The following TBC1D23 variants were observed in gnomAD, a reference collection of about 807,000 sequenced individuals.
The protein encoded by TBC1D23 is TBC1 domain family member 23.
In TBC1D23, 55 loss-of-function variants were observed where a neutral mutation model predicts 91.4. The ratio of observed to expected loss-of-function variants is 0.60; its 90% CI spans 0.48 to 0.75. TBC1D23 has a LOEUF of 0.75. Ranked by LOEUF, TBC1D23 falls within the 30% of genes least tolerant of loss-of-function variation. TBC1D23 has a pLI of 0.00. For synonymous variants in TBC1D23, 289 were observed against 281.0 expected (o/e 1.03, Z -0.28); for missense variants, 725 against 836.1 (o/e 0.87, Z 1.64).
chr3:100,314,091 A>ATTTTTTT (rs71299383), intron 15 of TBC1D23, among the ~76,000 whole-genome samples: 64 of 94,588 alleles, frequency 6.8e-4, no homozygotes, highest in Admixed American at 1.3e-3. Flanking sequence ...AGGCTACAAA[A>ATTTTTTT]TTTTTTTTTT....
rs955882115 is a variant in TBC1D23, at chr3:100,301,057, T to C, written c.1093-1010T>C. Among the ~76,000 whole-genome samples the C allele has an allele frequency of 3.9e-5, 6 of 152,198 alleles. No homozygotes were observed. In the South Asian group the frequency reaches 8.3e-4, roughly 21 times the overall value. On this transcript the variant is annotated intron_variant, in intron 10 of 18. Coordinates refer to ENST00000394144, the MANE Select transcript of TBC1D23 (RefSeq NM_001199198.3). Reference sequence around the variant, plus strand: ...GTAATAATGCTGCATTTGACATCTTTTTATACATTTTGTGAACTTATGCAA... The same window carrying C: ...GTAATAATGCTGCATTTGACATCTTCTTATACATTTTGTGAACTTATGCAA...
Position 100,261,076 on chromosome 3 carries a change from G to A in TBC1D23, c.53+5G>A. 1 of 1,613,074 alleles carries A rather than the reference G, an allele frequency of 6.2e-7. No individual in the cohort carries two copies. The highest frequency in any genetic ancestry group is 8.5e-7 in the Non-Finnish European group (1 of 1,179,070). On this transcript the variant is annotated splice_donor_5th_base_variant and intron_variant, in intron 1 of 18. Transcript: ENST00000394144. ...AACGTCGAGCGGCGACGGCTGGTGAGTGAAAGCCGGGGCTAATTTCCAATG... is the reference window on the plus strand; with the variant it reads ...AACGTCGAGCGGCGACGGCTGGTGAATGAAAGCCGGGGCTAATTTCCAATG...
chr3:100,316,814 C>T (rs762358003), intron 16 of TBC1D23, among the ~76,000 whole-genome samples: 75 of 151,982 alleles, frequency 4.9e-4, no homozygotes, highest in Non-Finnish European at 7.5e-4. Context: ...TAATTTAGGC[C>T]GGGCGCGGTG....
At chr3:100,299,401 G>A in intron 10 of TBC1D23, 70 bp downstream of exon 10, 1 of 896,676 alleles carries the variant, frequency 1.1e-6, no homozygotes, top group South Asian at 1.7e-5. Flanking sequence ...TAAATATATA[G>A]GTCCCAGATT....
intron 15 of TBC1D23, among the ~76,000 whole-genome samples, chr3:100,312,900 T>C (rs1705652401): frequency 6.6e-6 from 1 of 151,998 alleles, no homozygotes; most frequent in Non-Finnish European, 1.5e-5. Context: ...ACACCTGTAA[T>C]CCCAGCACTT....
chr3:100,263,978 A>G (rs910527476), intron 1 of TBC1D23, among the ~76,000 whole-genome samples: 8 of 152,274 alleles, frequency 5.3e-5, no homozygotes, highest in Admixed American at 2.6e-4. Context: ...GAACCCTAAC[A>G]TGGTCGGTGA....
intron 13 of TBC1D23, among the ~76,000 whole-genome samples, chr3:100,307,191 CT>C (rs1318490467): frequency 6.6e-6 from 1 of 152,200 alleles, no homozygotes; most frequent in Non-Finnish European, 1.5e-5. Context: ...GTCTTTTGTG[CT>C]TTTCCAGTAC....
chr3:100,271,654 A>C (rs1173499228), intron 1 of TBC1D23, among the ~76,000 whole-genome samples: 2 of 152,208 alleles, frequency 1.3e-5, no homozygotes, highest in African/African-American at 4.8e-5. Flanking sequence ...CTGCTGGCCT[A>C]TATATTCTCT....
chr3:100,318,846 TTTCACCATGTTG>T lies in TBC1D23; in HGVS notation c.1688-222_1688-211del, dbSNP rs1347928783. ...TTTGTATTTTTTAGTAGAGATGGGGTTTCACCATGTTGCCCAGGCTGGTCTCCAACTCCTGCC... is the reference window on the plus strand; with the variant it reads ...TTTGTATTTTTTAGTAGAGATGGGGTCCCAGGCTGGTCTCCAACTCCTGCC... On this transcript the variant is annotated intron_variant, in intron 16 of 18. Coordinates refer to ENST00000394144, the MANE Select transcript of TBC1D23 (RefSeq NM_001199198.3). Among the ~76,000 whole-genome samples the T allele has an allele frequency of 3.3e-5, 5 of 151,842 alleles. No homozygotes were observed. In the East Asian group the frequency reaches 9.6e-4, roughly 29 times the overall value.
intron 1 of TBC1D23, among the ~76,000 whole-genome samples, chr3:100,265,703 A>C (rs2067552115): frequency 6.6e-6 from 1 of 152,196 alleles, no homozygotes; most frequent in Non-Finnish European, 1.5e-5. Flanking sequence ...GAGTTTGTTT[A>C]ATTAAAAAAT....
At chr3:100,310,574 G>A (rs1242342227) in intron 14 of TBC1D23, 32 bp downstream of exon 14, 1 of 1,544,544 alleles carries the variant, frequency 6.5e-7, no homozygotes, top group Admixed American at 2.0e-5. Context: ...AGTTTATGAT[G>A]AGTAATTAAA....
At chr3:100,275,106 C>T (rs1432630400) in intron 1 of TBC1D23, among the ~76,000 whole-genome samples, 2 of 152,176 alleles carry the variant, frequency 1.3e-5, no homozygotes, top group African/African-American at 2.4e-5. Flanking sequence ...ACTGTCATAC[C>T]GTTTTCCATA....
At chr3:100,303,996 A>G (rs937873741) in intron 11 of TBC1D23, among the ~76,000 whole-genome samples, 6 of 152,180 alleles carry the variant, frequency 3.9e-5, no homozygotes, top group African/African-American at 1.4e-4. Context: ...TAACCACATC[A>G]TTATCATACT....
chr3:100,302,507 C>G (rs1039921716), intron 11 of TBC1D23, among the ~76,000 whole-genome samples: 1 of 152,110 alleles, frequency 6.6e-6, no homozygotes, highest in African/African-American at 2.4e-5. Context: ...GAAATACCAC[C>G]TTATTAATAT....
chr3:100,313,050 C>T (rs1250243965), intron 15 of TBC1D23, among the ~76,000 whole-genome samples: 1 of 151,416 alleles, frequency 6.6e-6, no homozygotes, highest in Non-Finnish European at 1.5e-5. Flanking sequence ...AATAGTTCAC[C>T]CTCTAATAAC....
chr3:100,304,012 A>T (rs1318044878), intron 11 of TBC1D23, among the ~76,000 whole-genome samples: 18 of 152,062 alleles, frequency 1.2e-4, no homozygotes, highest in African/African-American at 4.3e-4. Flanking sequence ...ATACTTTATT[A>T]AAAAAAATTT....
Position 100,296,161 on chromosome 3 carries a change from T to TA in TBC1D23, c.773-9dup. The TA allele has an allele frequency of 6.9e-7, 1 of 1,451,266 alleles. No homozygotes were observed. The highest frequency in any genetic ancestry group is 9.5e-7 in the Non-Finnish European group (1 of 1,055,584). 89.9% of individuals were successfully genotyped at this position (1,451,266 alleles called of 1,614,324 possible). A position where few individuals can be genotyped will look rare whatever the true frequency, so the allele number is the denominator to read the frequency against. ...CACAAACTACTAAATATTATGTCTA[T>TA]AATATTTCAGAGTTCTTGGAAAATA... On this transcript the variant is annotated splice_polypyrimidine_tract_variant and intron_variant, in intron 7 of 18. Transcript: ENST00000394144.
chr3:100,279,632 T>C lies in TBC1D23; in HGVS notation c.54-17T>C. On this transcript the variant is annotated splice_polypyrimidine_tract_variant and intron_variant, in intron 1 of 18. Transcript: ENST00000394144. ...ATGAGATAAAGTTCATTTTAATAAA[T>C]AGGACTTATTTTTTAGGGAAAAAGA... is the stretch of plus-strand genomic sequence containing the variant. 1 of 1,477,888 alleles carries C rather than the reference T, an allele frequency of 6.8e-7. No individual in the cohort carries two copies. The allele number at this position is 1,477,888 out of a possible 1,614,324, so 91.5% of individuals were successfully genotyped here.
chr3:100,295,010 T>C (rs1366628218), intron 5 of TBC1D23, 77 bp from the exon 6 acceptor site: 1 of 1,335,698 alleles, frequency 7.5e-7, no homozygotes, highest in Non-Finnish European at 1.0e-6. Flanking sequence ...ATGTTTCTTA[T>C]TCATTTGCTT....
Sources: gnomAD v4.1 joint callset for allele counts (sites outside exome capture counted in the v4.1 genomes callset) on GRCh38, gnomAD v4.1.1 for gene constraint, MANE v1.5 for transcripts, NCBI Gene and HGNC (gene_info 2026-07-23, HGNC 2026-07-21) for gene names.